VIRMA: variants seen among roughly 807,000 people sequenced by gnomAD.
VIRMA encodes protein virilizer homolog.
In VIRMA, 65 loss-of-function variants were observed where a neutral mutation model predicts 182.4. That is an observed-to-expected ratio of 0.36 (90% confidence interval 0.29 to 0.44). VIRMA has a LOEUF of 0.44. Ranked by LOEUF, VIRMA falls within the 20% of genes least tolerant of loss-of-function variation. VIRMA has a pLI of 1.00. For synonymous variants in VIRMA, 709 were observed against 743.1 expected (o/e 0.95, Z 0.75); for missense variants, 1,752 against 2,158.1 (o/e 0.81, Z 3.73).
chr8:94,511,522 G>A lies in VIRMA; in HGVS notation c.3053C>T (p.Thr1018Met), dbSNP rs1288859754. The change falls in exon 13 of 24, where the codon ACG becomes ATG. Residue 1018 changes from threonine to methionine, a missense_variant. By Grantham distance (81) the Thr-to-Met change is moderately conservative. Around this residue, in one of 11 missense-constraint regions of VIRMA, gnomAD observed 777 missense variants for 920.6 expected, o/e 0.84. Coordinates refer to ENST00000297591, the MANE Select transcript of VIRMA (RefSeq NM_015496.5). ...AAAGGATCCACCTCTCAGGAGTTCC[G>A]TTAACATAGTTTTAAGAAGAGTGAG... Reference protein sequence around the residue: ...CTLTLLKTMLTELLRGGSFEF... With the variant: ...CTLTLLKTMLMELLRGGSFEF... 10 of 1,614,090 alleles carry A rather than the reference G, an allele frequency of 6.2e-6. No homozygotes were observed. In the Admixed American group the frequency reaches 6.7e-5, roughly 11 times the overall value.
At chr8:94,521,637 G>T (rs1814775033) in intron 8 of VIRMA, among the ~76,000 whole-genome samples, 1 of 152,042 alleles carries the variant, frequency 6.6e-6, no homozygotes, top group South Asian at 2.1e-4. Flanking sequence ...CACTGCAAAT[G>T]GTAACACAAT....
At chr8:94,530,281 A>T (rs1040901242) in intron 6 of VIRMA, among the ~76,000 whole-genome samples, 8 of 152,118 alleles carry the variant, frequency 5.3e-5, no homozygotes, top group Non-Finnish European at 1.2e-4. Flanking sequence ...TGGGGGGCCA[A>T]GGCGGGAGGA....
chr8:94,541,605 G>A (rs548152813), intron 2 of VIRMA, among the ~76,000 whole-genome samples: 15 of 151,544 alleles, frequency 9.9e-5, no homozygotes, highest in African/African-American at 2.7e-4. Flanking sequence ...GCAGTGGTGC[G>A]ATCTCAGATC....
chr8:94,530,956 T>G lies in VIRMA; in HGVS notation c.607+7A>C. On this transcript the variant is annotated splice_region_variant and intron_variant, in intron 6 of 23. Transcript: ENST00000297591. ...GGGGAAAACCTTAGCACTGGTTTTA[T>G]TTATACCTGGCAGAGGCACAGGATC... 6.3e-7 allele frequency: 1 copy of G among 1,599,760 alleles called. No homozygotes were observed. The highest frequency in any genetic ancestry group is 8.5e-7 in the Non-Finnish European group (1 of 1,174,658).
At chr8:94,547,744 T>G (rs147790211) in intron 1 of VIRMA, among the ~76,000 whole-genome samples, 1 of 150,700 alleles carries the variant, frequency 6.6e-6, no homozygotes, top group South Asian at 2.1e-4. Flanking sequence ...AACCTAAATG[T>G]ATGAGAATTT....
rs769147933 is a variant in VIRMA at position 94,499,359 on chromosome 8, C to T, written c.4230+15G>A. The T allele has an allele frequency of 2.0e-5, 31 of 1,519,362 alleles. No homozygotes were observed. Among genetic ancestry groups the T allele is most frequent in the Admixed American group, 3.9e-5 (2 of 50,924 alleles). The allele number at this position is 1,519,362 out of a possible 1,614,324, so 94.1% of individuals were successfully genotyped here. On this transcript the variant is annotated intron_variant, in intron 17 of 23. Transcript: ENST00000297591. ...ACATACATATATACACAAACACAAACACACACATACTTACAATTGTGTCAG... is the reference window on the plus strand; with the variant it reads ...ACATACATATATACACAAACACAAATACACACATACTTACAATTGTGTCAG...
chr8:94,530,975 C>T lies in VIRMA; in HGVS notation c.595G>A (p.Val199Met), dbSNP rs1389416326. 4 of 1,603,420 alleles carry T rather than the reference C, an allele frequency of 2.5e-6. No homozygotes were observed. Among genetic ancestry groups the T allele is most frequent in the Admixed American group, 1.7e-5 (1 of 58,414 alleles). ...GTTTTATTTATACCTGGCAGAGGCA[C>T]AGGATCATCTTCATCATCATCAGGT... ...PPPDDDEDDP[V>M]PLPVSGDKEE... Residue 199 changes from valine (V) to methionine (M), a missense_variant, in exon 6 of 24, where the codon GTG (valine) becomes ATG (methionine). By Grantham distance (21) the Val-to-Met change is conservative. Coordinates refer to ENST00000297591, the MANE Select transcript of VIRMA (RefSeq NM_015496.5).
chr8:94,506,592 A>G lies in VIRMA; in HGVS notation c.4005T>C (p.Ala1335=), dbSNP rs756786172. ...SICDCLLATL[A]NSESSYNCLL... is the part of the protein sequence containing the mutation. ...AACAGTTGTAACTGCTCTCAGAGTT[A>G]GCTAGCGTAGCCAACAGACAGTCAC... The change falls in exon 16 of 24, where the codon GCT becomes GCC. Residue 1335 remains alanine (A), a synonymous_variant. Coordinates refer to ENST00000297591, the MANE Select transcript of VIRMA (RefSeq NM_015496.5). 1 of 1,613,128 alleles carries G rather than the reference A, an allele frequency of 6.2e-7. No homozygotes were observed. Among genetic ancestry groups the G allele is most frequent in the Non-Finnish European group, 8.5e-7 (1 of 1,179,106 alleles).
At chr8:94,517,110 C>T (rs1325138123) in intron 10 of VIRMA, among the ~76,000 whole-genome samples, 1 of 152,152 alleles carries the variant, frequency 6.6e-6, no homozygotes, top group Non-Finnish European at 1.5e-5. Context: ...AAATGTGTTA[C>T]TCCACAACTA....
intron 16 of VIRMA, among the ~76,000 whole-genome samples, chr8:94,505,979 C>T (rs1005638385): frequency 5.3e-5 from 8 of 151,986 alleles, no homozygotes; most frequent in African/African-American, 1.9e-4. Flanking sequence ...AAATTATTTA[C>T]ATAACATTCA....
intron 3 of VIRMA, 110 bp downstream of exon 3, chr8:94,538,150 T>C (rs1231374025): frequency 2.6e-6 from 2 of 760,176 alleles, no homozygotes; most frequent in East Asian, 2.5e-5. Flanking sequence ...AAACCCTGTG[T>C]TCTTGGGTCT....
At chr8:94,546,245 G>GC (rs891732219) in intron 1 of VIRMA, among the ~76,000 whole-genome samples, 8 of 150,838 alleles carry the variant, frequency 5.3e-5, no homozygotes, top group Non-Finnish European at 1.2e-4. Flanking sequence ...TCTCTCCTGA[G>GC]CCCCAGGCTA....
intron 8 of VIRMA, among the ~76,000 whole-genome samples, chr8:94,520,434 G>A (rs939141705): frequency 1.3e-5 from 2 of 152,058 alleles, no homozygotes; most frequent in Non-Finnish European, 2.9e-5. Context: ...GGTTGAGGCT[G>A]CAGAAAGCCA....
At chr8:94,524,853 G>A (rs1814903373) in intron 8 of VIRMA, among the ~76,000 whole-genome samples, 1 of 152,168 alleles carries the variant, frequency 6.6e-6, no homozygotes. Context: ...CTGAACCTCT[G>A]CACAGTATCA....
chr8:94,533,258 T>C (rs541576811), intron 5 of VIRMA, among the ~76,000 whole-genome samples: 35 of 151,178 alleles, frequency 2.3e-4, no homozygotes, highest in Non-Finnish European at 4.3e-4. Flanking sequence ...ATAAGAAAAG[T>C]ACAGTGTATG....
At chr8:94,490,945 T>C (rs1813585888) in intron 22 of VIRMA, among the ~76,000 whole-genome samples, 1 of 151,958 alleles carries the variant, frequency 6.6e-6, no homozygotes, top group African/African-American at 2.4e-5. Flanking sequence ...CAGAACAATC[T>C]TAAGAAAACT....
chr8:94,536,254 T>C (rs984487541), intron 4 of VIRMA, among the ~76,000 whole-genome samples: 1 of 152,180 alleles, frequency 6.6e-6, no homozygotes, highest in Admixed American at 6.5e-5. Flanking sequence ...GGAAGGAAGA[T>C]AAACAGATAA....
At chr8:94,532,076 G>C (rs1815192626) in intron 5 of VIRMA, among the ~76,000 whole-genome samples, 1 of 152,108 alleles carries the variant, frequency 6.6e-6, no homozygotes, top group Non-Finnish European at 1.5e-5. Context: ...GGGCAATGGT[G>C]TAGTTAAGTA....
chr8:94,552,382 A>G (rs1439308759), intron 1 of VIRMA, among the ~76,000 whole-genome samples: 1 of 152,220 alleles, frequency 6.6e-6, no homozygotes, highest in Non-Finnish European at 1.5e-5. Context: ...TTTATTGAGC[A>G]CCTACATTTT....
Sources: gnomAD v4.1 joint callset for allele counts (sites outside exome capture counted in the v4.1 genomes callset) on GRCh38, gnomAD v4.1.1 for gene constraint, gnomAD v4.1.1 regional missense constraint, MANE v1.5 for transcripts, NCBI Gene and HGNC (gene_info 2026-07-23, HGNC 2026-07-21) for gene names.